CALHM1: variants seen among roughly 807,000 people sequenced by gnomAD.
CALHM1 encodes the protein calcium homeostasis modulator protein 1.
Under a neutral mutation model 14.8 loss-of-function variants are expected in CALHM1, and 11 were observed. That is an observed-to-expected ratio of 0.74 (90% CI 0.47 to 1.23). CALHM1 has a LOEUF of 1.23. CALHM1 is among the 50% of genes most tolerant of loss of function. The probability of loss-of-function intolerance (pLI) is 0.00; values close to 1 mark genes in which losing one functional copy is unlikely to be tolerated. For missense variants in CALHM1, 458 were observed against 496.4 expected (o/e 0.92, Z 0.74); for synonymous variants, 215 against 218.9 (o/e 0.98, Z 0.16).
rs1376219097 is a variant in CALHM1, at chr10:103,455,274, G to C, written c.1029C>G (p.Phe343Leu). 6.2e-7 allele frequency: 1 copy of C among 1,604,658 alleles called. No homozygotes were observed. The highest frequency in any genetic ancestry group is 8.5e-7 in the Non-Finnish European group (1 of 1,175,406). The change falls in exon 2 of 2, where the codon TTC (phenylalanine) becomes TTG (leucine). Residue 343 changes from phenylalanine (F) to leucine (L), a missense_variant. By Grantham distance (22) the Phe-to-Leu change is conservative. Transcript: ENST00000329905. ...AGCTGGCCACACCTCACACTTTGCTGAAGTAGGTGGCCACCTCCTTACGCG... is the reference window on the plus strand; with the variant it reads ...AGCTGGCCACACCTCACACTTTGCTCAAGTAGGTGGCCACCTCCTTACGCG... ...RPPRKEVATY[F>L]SKV
In CALHM1 at chr10:103,458,380, G is replaced by A. The variant is rs1048602375; in HGVS notation, c.372C>T (p.Cys124=). ...CGGCAGTGCAGAAGGCACAGAGGAA[G>A]CATTTGCCGTCGAGTAGCGTGACGG... ...WVAVTLLDGK[C]FLCAFCTAVP... The change falls in exon 1 of 2, where the codon TGC becomes TGT. Residue 124 remains cysteine, a synonymous_variant. Transcript: ENST00000329905. This position sits in a 1 kb window ranked among gnomAD's most constrained non-coding sequence, Gnocchi z 4.9. 4.3e-6 allele frequency: 7 copies of A among 1,609,564 alleles called. No individual in the cohort carries two copies. The highest frequency in any genetic ancestry group is 1.7e-5 in the Admixed American group (1 of 59,790).
chr10:103,455,629 T>A lies in CALHM1; in HGVS notation c.674A>T (p.Asp225Val). 1 of 1,613,828 alleles carries A rather than the reference T, an allele frequency of 6.2e-7. No individual in the cohort carries two copies. The highest frequency in any genetic ancestry group is 8.5e-7 in the Non-Finnish European group (1 of 1,180,028). ...LKSKYWSHYI[D>V]IERKLFDETC... ...CTCGTCGAAGAGCTTGCGCTCGATG[T>A]CGATATAGTGGGACCAGTACTTGCT... is the stretch of plus-strand genomic sequence containing the variant. The change falls in exon 2 of 2, where the codon GAC (aspartate) becomes GTC (valine). Residue 225 changes from aspartate to valine, a missense_variant. By Grantham distance (152) the Asp-to-Val change is radical (BLOSUM62 -3). Coordinates refer to ENST00000329905, the MANE Select transcript of CALHM1 (RefSeq NM_001001412.4).
At position 103,455,422 on chromosome 10, in the gene CALHM1, G is replaced by T; in HGVS notation, c.881C>A (p.Thr294Lys). 6.2e-7 allele frequency: 1 copy of T among 1,614,026 alleles called. No individual in the cohort carries two copies. The highest frequency in any genetic ancestry group is 1.1e-5 in the South Asian group (1 of 91,084). The change falls in exon 2 of 2, where the codon ACG becomes AAG. Residue 294 changes from threonine to lysine, a missense_variant. Thr to Lys is a moderately conservative substitution (Grantham distance 78). Coordinates refer to ENST00000329905, the MANE Select transcript of CALHM1 (RefSeq NM_001001412.4). Reference sequence around the variant, plus strand: ...CAGCCTGTTCATGGTGCCTTGATCCGTGATGCCACGCAGCTTCTCCCTTTC... The same window carrying T: ...CAGCCTGTTCATGGTGCCTTGATCCTTGATGCCACGCAGCTTCTCCCTTTC... ...EEEREKLRGI[T>K]DQGTMNRLLT...
chr10:103,454,102 G>A lies in CALHM1; in HGVS notation c.*1160C>T, dbSNP rs915515012. 1 of 152,250 alleles carries A rather than the reference G, an allele frequency of 6.6e-6. No homozygotes were observed. Among genetic ancestry groups the A allele is most frequent in the Non-Finnish European group, 1.5e-5 (1 of 68,056 alleles). 9.4% of individuals were successfully genotyped at this position (152,250 alleles called of 1,614,324 possible). ...TGTCTCATCCCTGCCCAGGGGAGGA[G>A]GAAGGAAGTCCTTAGGTTCAGAAAT... is the stretch of plus-strand genomic sequence containing the variant. On this transcript the variant is annotated 3_prime_UTR_variant, in exon 2 of 2. Coordinates refer to ENST00000329905, the MANE Select transcript of CALHM1 (RefSeq NM_001001412.4).
At chr10:103,456,603 G>A (rs900833528) in intron 1 of CALHM1, among the ~76,000 whole-genome samples, 3 of 152,226 alleles carry the variant, frequency 2.0e-5, no homozygotes, top group African/African-American at 7.2e-5. Flanking sequence ...GGCAAGCCCA[G>A]ATGCCTATGG....
At position 103,458,508 on chromosome 10, in the gene CALHM1, A is replaced by G; in HGVS notation, c.244T>C (p.Trp82Arg). 2 of 1,613,280 alleles carry G rather than the reference A, an allele frequency of 1.2e-6. No individual in the cohort carries two copies. The highest frequency in any genetic ancestry group is 2.2e-5 in the South Asian group (2 of 91,066). ...NNNVSMLAEEWKRPLGRRAKD... is the reference protein window; with the variant it reads ...NNNVSMLAEERKRPLGRRAKD... ...GCCCGGCGGCCCAGCGGCCGCTTCC[A>G]CTCTTCGGCCAGCATGGACACGTTG... The change falls in exon 1 of 2, where the codon TGG (tryptophan) becomes CGG (arginine). Residue 82 changes from tryptophan (W) to arginine (R), a missense_variant. Trp to Arg is a moderately radical substitution (Grantham distance 101, BLOSUM62 -3). Coordinates refer to ENST00000329905, the MANE Select transcript of CALHM1 (RefSeq NM_001001412.4). This position sits in a 1 kb window ranked among gnomAD's most constrained non-coding sequence, Gnocchi z 4.9.
At position 103,455,465 on chromosome 10, in the gene CALHM1, GGGTCGTGGGGGC is replaced by G. The variant is rs1564791031; in HGVS notation, c.826_837del (p.Ala276_Thr279del). On this transcript the variant is annotated inframe_deletion, in exon 2 of 2. Coordinates refer to ENST00000329905, the MANE Select transcript of CALHM1 (RefSeq NM_001001412.4). ...TCCCTTTCCTCCTCCGCACCATCGGGGGTCGTGGGGGCAGCTGCGGAAGCAGGGGCCGTGGCC... is the reference window on the plus strand; with the variant it reads ...TCCCTTTCCTCCTCCGCACCATCGGGAGCTGCGGAAGCAGGGGCCGTGGCC... The G allele has an allele frequency of 6.2e-7, 1 of 1,613,688 alleles. No individual in the cohort carries two copies. The highest frequency in any genetic ancestry group is 2.2e-5 in the East Asian group (1 of 44,878).
Position 103,458,344 on chromosome 10 carries a change from G to A in CALHM1, c.408C>T (p.Ser136=), listed in dbSNP as rs554951738. Residue 136 remains serine, a synonymous_variant, in exon 1 of 2, where the codon AGC becomes AGT. Coordinates refer to ENST00000329905, the MANE Select transcript of CALHM1 (RefSeq NM_001001412.4). This position sits in a 1 kb window ranked among gnomAD's most constrained non-coding sequence, Gnocchi z 4.9. ...LCAFCTAVPV[S]ALGNGSLAPG... is the part of the protein sequence containing the mutation. The stretch of plus-strand genomic sequence containing the variant: ...GTGCCAGGCTGCCGTTGCCCAGTGC[G>A]CTCACGGGCACGGCAGTGCAGAAGG... 1.6e-5 allele frequency: 25 copies of A among 1,610,896 alleles called. No individual in the cohort carries two copies. The highest frequency in any genetic ancestry group is 1.3e-4 in the African/African-American group (10 of 74,992).
intron 1 of CALHM1, 77 bp from the exon 2 acceptor site, chr10:103,455,824 T>G: frequency 6.7e-6 from 10 of 1,498,138 alleles, no homozygotes; most frequent in South Asian, 1.3e-5. Context: ...AAGCACTCTC[T>G]ATGCCAGTGC....
At position 103,455,317 on chromosome 10, in the gene CALHM1, C is replaced by T. The variant is rs991786164; in HGVS notation, c.986G>A (p.Gly329Glu). The T allele has an allele frequency of 6.2e-7, 1 of 1,613,382 alleles. No individual in the cohort carries two copies. Among genetic ancestry groups the T allele is most frequent in the Non-Finnish European group, 8.5e-7 (1 of 1,179,928 alleles). ...CTTACGCGGAGGCCGGGGCCCACCCCCAGCCCAGCCGTTGCCCATCAGCGG... is the reference window on the plus strand; with the variant it reads ...CTTACGCGGAGGCCGGGGCCCACCCTCAGCCCAGCCGTTGCCCATCAGCGG... The part of the protein sequence containing the change: ...EPPLMGNGWA[G>E]GGPRPPRKEV... The change falls in exon 2 of 2, where the codon GGG becomes GAG. Residue 329 changes from glycine (G) to glutamate (E), a missense_variant. By Grantham distance (98) the Gly-to-Glu change is moderately conservative. Transcript: ENST00000329905.
intron 1 of CALHM1, among the ~76,000 whole-genome samples, chr10:103,457,578 A>T (rs1484882053): frequency 6.6e-6 from 1 of 152,176 alleles, no homozygotes; most frequent in Non-Finnish European, 1.5e-5. Context: ...CACGGCACTG[A>T]CTGGGTTGGA....
Position 103,454,253 on chromosome 10 carries a change from AC to A in CALHM1, c.*1008del, listed in dbSNP as rs2033113939. On this transcript the variant is annotated 3_prime_UTR_variant, in exon 2 of 2. Transcript: ENST00000329905. Reference sequence around the variant, plus strand: ...ATTGTATAGATGAAGAAACGAAGGCACAGGCAGTGATGCAGCTGGCCCAGGG... The same window carrying A: ...ATTGTATAGATGAAGAAACGAAGGCAAGGCAGTGATGCAGCTGGCCCAGGG... 3 of 152,336 alleles carry A rather than the reference AC, an allele frequency of 2.0e-5. No individual in the cohort carries two copies. The South Asian group carries it at 6.2e-4, about 32-fold the overall frequency. The allele number at this position is 152,336 out of a possible 1,614,324, so 9.4% of individuals were successfully genotyped here.
In CALHM1 at chr10:103,455,062, G is replaced by T; in HGVS notation, c.*200C>A. 2 of 741,836 alleles carry T rather than the reference G, an allele frequency of 2.7e-6. No homozygotes were observed. Among genetic ancestry groups the T allele is most frequent in the Non-Finnish European group, 4.3e-6 (2 of 467,832 alleles). The allele number at this position is 741,836 out of a possible 1,614,324, so 46.0% of individuals were successfully genotyped here. The stretch of plus-strand genomic sequence containing the variant: ...GCCCACTGCCCTAGGGCCATCCAGG[G>T]CAGTGTCACACCTGAAGGCATCAGA... On this transcript the variant is annotated 3_prime_UTR_variant, in exon 2 of 2. Coordinates refer to ENST00000329905, the MANE Select transcript of CALHM1 (RefSeq NM_001001412.4).
In CALHM1 at chr10:103,453,315, G is replaced by C. The variant is rs967023331; in HGVS notation, c.*1947C>G. On this transcript the variant is annotated 3_prime_UTR_variant, in exon 2 of 2. Coordinates refer to ENST00000329905, the MANE Select transcript of CALHM1 (RefSeq NM_001001412.4). ...CACAGTCCCAGATCCTTCCCTAAAA[G>C]TTATCTTCCTCTATCCTTACCACAA... 5.3e-5 allele frequency: 8 copies of C among 152,070 alleles called. No homozygotes were observed. Among genetic ancestry groups the C allele is most frequent in the Non-Finnish European group, 1.0e-4 (7 of 68,018 alleles). The allele number at this position is 152,070 out of a possible 1,614,324, so 9.4% of individuals were successfully genotyped here.
rs374966296 is a variant in CALHM1, at chr10:103,458,735, C to G, written c.17G>C (p.Arg6Pro). 6.2e-7 allele frequency: 1 copy of G among 1,610,714 alleles called. No individual in the cohort carries two copies. The highest frequency in any genetic ancestry group is 1.3e-5 in the African/African-American group (1 of 74,910). Residue 6 changes from arginine (R) to proline (P), a missense_variant, in exon 1 of 2, where the codon CGG (arginine) becomes CCG (proline). Arg to Pro is a moderately radical substitution (Grantham distance 103). Coordinates refer to ENST00000329905, the MANE Select transcript of CALHM1 (RefSeq NM_001001412.4). The surrounding 1 kb of genome is among the most constrained non-coding windows in gnomAD (Gnocchi z 4.9). The part of the protein sequence containing the change: MMDKF[R>P]MIFQFLQSNQ... ...GGACTGCAGGAACTGGAAGATCATC[C>G]GGAACTTGTCCATCATGCCCGCTGT...
Position 103,458,349 on chromosome 10 carries a change from C to A in CALHM1, c.403G>T (p.Val135Leu), listed in dbSNP as rs144583782. The change falls in exon 1 of 2, where the codon GTG (valine) becomes TTG (leucine). Residue 135 changes from valine to leucine, a missense_variant. Physicochemically the swap from Val to Leu is conservative, Grantham distance 32. Transcript: ENST00000329905. The surrounding 1 kb of genome is among the most constrained non-coding windows in gnomAD (Gnocchi z 4.9). ...FLCAFCTAVP[V>L]SALGNGSLAP... is the part of the protein sequence containing the mutation. ...AGGCTGCCGTTGCCCAGTGCGCTCA[C>A]GGGCACGGCAGTGCAGAAGGCACAG... 6.2e-7 allele frequency: 1 copy of A among 1,610,798 alleles called. No individual in the cohort carries two copies. Among genetic ancestry groups the A allele is most frequent in the Admixed American group, 1.7e-5 (1 of 59,846 alleles).
In CALHM1 at chr10:103,455,322, C is replaced by G; in HGVS notation, c.981G>C (p.Trp327Cys). The change falls in exon 2 of 2, where the codon TGG becomes TGC. Residue 327 changes from tryptophan (W) to cysteine (C), a missense_variant. By Grantham distance (215) the Trp-to-Cys change is radical. Coordinates refer to ENST00000329905, the MANE Select transcript of CALHM1 (RefSeq NM_001001412.4). ...GCGGAGGCCGGGGCCCACCCCCAGCCCAGCCGTTGCCCATCAGCGGTGGCT... is the reference window on the plus strand; with the variant it reads ...GCGGAGGCCGGGGCCCACCCCCAGCGCAGCCGTTGCCCATCAGCGGTGGCT... ...QEEPPLMGNG[W>C]AGGGPRPPRK... is the part of the protein sequence containing the mutation. 6.2e-7 allele frequency: 1 copy of G among 1,613,476 alleles called. No individual in the cohort carries two copies. Among genetic ancestry groups the G allele is most frequent in the South Asian group, 1.1e-5 (1 of 91,048 alleles).
intron 1 of CALHM1, among the ~76,000 whole-genome samples, chr10:103,457,413 C>T (rs543493738): frequency 4.4e-4 from 67 of 152,304 alleles, no homozygotes; most frequent in African/African-American, 1.6e-3. Flanking sequence ...GGAGAGAGGC[C>T]CCTGCTAGAG....
chr10:103,455,799 C>A, intron 1 of CALHM1, 52 bp from the exon 2 acceptor site: 1 of 1,563,054 alleles, frequency 6.4e-7, no homozygotes, highest in East Asian at 2.3e-5. Context: ...GCCTCCGAGC[C>A]TGTTCAGACT....
Sources: gnomAD v4.1 joint callset for allele counts (sites outside exome capture counted in the v4.1 genomes callset) on GRCh38, gnomAD v4.1.1 for gene constraint, Gnocchi (gnomAD v3.1) non-coding constraint, MANE v1.5 for transcripts, NCBI Gene and HGNC (gene_info 2026-07-23, HGNC 2026-07-21) for gene names.